Variants in ZNF287 observed in about 807,000 individuals in gnomAD.
ZNF287 encodes zinc finger protein 287, also known as zinc finger protein with KRAB and SCAN domains 13.
In ZNF287, 31 loss-of-function variants were observed where a neutral mutation model predicts 73.7. The ratio of observed to expected loss-of-function variants is 0.42; its 90% CI spans 0.32 to 0.57. The LOEUF (loss-of-function observed/expected upper bound fraction) is 0.57. Among genes scored for constraint, ZNF287 ranks in the 20% least tolerant of loss-of-function variants. The pLI, the probability that ZNF287 is intolerant of heterozygous loss-of-function variation, is 0.13. For missense variants in ZNF287, 641 were observed against 909.3 expected, an observed-to-expected ratio of 0.70 and a Z score of 3.79; for synonymous variants, 301 against 307.2, an observed-to-expected ratio of 0.98 and a Z score of 0.21.
At chr17:16,562,646 G>A (rs142124662) in intron 5 of ZNF287, among the ~76,000 whole-genome samples, 47 of 151,634 alleles carry the variant, frequency 3.1e-4, no homozygotes, top group Admixed American at 3.0e-3. Flanking sequence ...TATTTTTTTT[G>A]CTTTATATAC....
chr17:16,563,118 AG>A, intron 5 of ZNF287, 27 bp downstream of exon 5: 1 of 1,518,396 alleles, frequency 6.6e-7, no homozygotes, highest in Non-Finnish European at 9.1e-7. Flanking sequence ...TTAAATACAA[AG>A]AAGCTCATGC....
Position 16,550,958 on chromosome 17 carries a change from G to GT in ZNF287, c.*897dup, listed in dbSNP as rs1483514923. The stretch of plus-strand genomic sequence containing the variant: ...AGCTTGAGGCATTTAATTTTTGCCT[G>GT]TTTAACTAAATCTCTACACATCTAA... On this transcript the variant is annotated 3_prime_UTR_variant, in exon 6 of 6. Transcript: ENST00000395825. 1.2e-4 allele frequency among the ~76,000 whole-genome samples: 18 copies of GT among 152,232 alleles called. No individual in the cohort carries two copies. The East Asian group carries it at 1.5e-3, about 13-fold the overall frequency.
rs201011881 is a variant in ZNF287 at position 16,555,601 on chromosome 17, AACACAC to A, written c.716-2181_716-2176del. 5.8e-3 allele frequency among the ~76,000 whole-genome samples: 746 copies of A among 128,210 alleles called. 4 individuals carry two copies. Among genetic ancestry groups the A allele is most frequent in the African/African-American group, 0.017 (628 of 35,954 alleles). 84.1% of individuals were successfully genotyped at this position (128,210 alleles called of 152,430 possible). On this transcript the variant is annotated intron_variant, in intron 5 of 5. Coordinates refer to ENST00000395825, the MANE Select transcript of ZNF287 (RefSeq NM_020653.4). ...AGATGTGCATGCATACACATAACCA[AACACAC>A]ACACACACACACACACACACACACA...
rs1907360896 is a variant in ZNF287, at chr17:16,560,410, C to T, written c.715+2736G>A. Among the ~76,000 whole-genome samples, 6 of 150,048 alleles carry T rather than the reference C, an allele frequency of 4.0e-5. 1 individual carries two copies. The highest frequency in any genetic ancestry group is 1.3e-4 in the Admixed American group (2 of 15,092). On this transcript the variant is annotated intron_variant, in intron 5 of 5. Transcript: ENST00000395825. ...TGTTGCCCAGGCTGGAGTGCAGTGG[C>T]ACAATCTTGGCTCACTGCAACCCCC...
rs956789904 is a variant in ZNF287, at chr17:16,563,305, A to G, written c.629-73T>C. 2.7e-6 allele frequency: 3 copies of G among 1,107,598 alleles called. No homozygotes were observed. The African/African-American group carries it at 4.7e-5, about 17-fold the overall frequency. 68.6% of individuals were successfully genotyped at this position (1,107,598 alleles called of 1,614,324 possible). A position where few individuals can be genotyped will look rare whatever the true frequency, so the allele number is the denominator to read the frequency against. On this transcript the variant is annotated intron_variant, in intron 4 of 5. Transcript: ENST00000395825. The stretch of plus-strand genomic sequence containing the variant: ...CTCAAAGTTTTATTACCAGACTTCT[A>G]CCTATCTGGGAGAACAGACCTCTGT...
In ZNF287 at chr17:16,552,470, G is replaced by C; in HGVS notation, c.1672C>G (p.His558Asp). 2 of 1,614,130 alleles carry C rather than the reference G, an allele frequency of 1.2e-6. No homozygotes were observed. Among genetic ancestry groups the C allele is most frequent in the South Asian group, 2.2e-5 (2 of 91,070 alleles). Residue 558 changes from histidine to aspartate, a missense_variant, in exon 6 of 6, where the codon CAT becomes GAT. His to Asp is a moderately conservative substitution (Grantham distance 81, BLOSUM62 -1). Around this residue, in one of 2 missense-constraint regions of ZNF287, gnomAD observed 284 missense variants for 466.8 expected, o/e 0.61. Transcript: ENST00000395825. This position sits in a 1 kb window ranked among gnomAD's most constrained non-coding sequence, Gnocchi z 6.5. Reference protein sequence around the residue: ...STYLIRHQRIHSGEKCYKCNE... With the variant: ...STYLIRHQRIDSGEKCYKCNE... ...CATTTATAACACTTCTCTCCAGAAT[G>C]AATTCTCTGATGTCGAATAAGGTAA... is the stretch of plus-strand genomic sequence containing the variant.
chr17:16,556,767 C>T (rs1479688216), intron 5 of ZNF287, among the ~76,000 whole-genome samples: 1 of 151,940 alleles, frequency 6.6e-6, no homozygotes. Context: ...GTACATACAA[C>T]TGAAAAGTAC....
At chr17:16,567,188 C>G in intron 2 of ZNF287, 141 bp downstream of exon 2, 2 of 1,092,562 alleles carry the variant, frequency 1.8e-6, no homozygotes, top group Non-Finnish European at 2.6e-6. Flanking sequence ...CCTTTGTTCT[C>G]CCCAGTTTCT....
At chr17:16,559,700 A>G (rs1466785817) in intron 5 of ZNF287, among the ~76,000 whole-genome samples, 1 of 152,206 alleles carries the variant, frequency 6.6e-6, no homozygotes, top group Non-Finnish European at 1.5e-5. Flanking sequence ...ATTCCCTACT[A>G]AAATGAATCA....
chr17:16,568,281 A>G (rs978039260), intron 1 of ZNF287, among the ~76,000 whole-genome samples: 16 of 152,178 alleles, frequency 1.1e-4, no homozygotes, highest in African/African-American at 3.9e-4. Context: ...CGGACTCTCA[A>G]CAATAACAAA....
chr17:16,567,912 A>G lies in ZNF287; in HGVS notation c.-181T>C. The G allele has an allele frequency of 7.0e-7, 1 of 1,425,798 alleles. No individual in the cohort carries two copies. The highest frequency in any genetic ancestry group is 1.4e-5 in the African/African-American group (1 of 69,724). The allele number at this position is 1,425,798 out of a possible 1,614,324, so 88.3% of individuals were successfully genotyped here. On this transcript the variant is annotated 5_prime_UTR_variant, in exon 2 of 6. Coordinates refer to ENST00000395825, the MANE Select transcript of ZNF287 (RefSeq NM_020653.4). ...GACAAATTCTGAGCCCAGAACTTGC[A>G]GGGATGGATAAGAGACCCTGAAACA...
At chr17:16,563,952 G>A in intron 3 of ZNF287, 127 bp from the exon 4 acceptor site, 1 of 1,134,496 alleles carries the variant, frequency 8.8e-7, no homozygotes, top group Non-Finnish European at 1.2e-6. Context: ...CCTAGAAGTT[G>A]TCTAGTCAAA....
rs1907847564 is a variant in ZNF287, at chr17:16,567,835, G to A, written c.-104C>T. ...GAGTCACAAGGACACTATATCAAAG[G>A]CTGCTGCAGCCGAGGGCAGAACAGA... On this transcript the variant is annotated 5_prime_UTR_variant, in exon 2 of 6. Transcript: ENST00000395825. 1 of 1,492,948 alleles carries A rather than the reference G, an allele frequency of 6.7e-7. No homozygotes were observed. The highest frequency in any genetic ancestry group is 2.3e-5 in the East Asian group (1 of 43,874). 92.5% of individuals were successfully genotyped at this position (1,492,948 alleles called of 1,614,324 possible).
At chr17:16,559,159 T>C (rs1242234278) in intron 5 of ZNF287, 2 of 152,152 alleles carry the variant, frequency 1.3e-5, no homozygotes, top group East Asian at 3.9e-4. Context: ...TGGTTACCTA[T>C]AGGGAGTAGG....
chr17:16,553,868 C>T (rs2142463032), intron 5 of ZNF287, among the ~76,000 whole-genome samples: 1 of 152,326 alleles, frequency 6.6e-6, no homozygotes, highest in Middle Eastern at 3.4e-3. Flanking sequence ...GCTCAAATAT[C>T]TCTAGTAAAT....
chr17:16,568,023 T>G (rs1907860011), intron 1 of ZNF287, 94 bp from the exon 2 acceptor site: 1 of 1,124,034 alleles, frequency 8.9e-7, no homozygotes, highest in Admixed American at 4.3e-5. Context: ...TGTGCATAGA[T>G]GAACACACAT....
intron 5 of ZNF287, among the ~76,000 whole-genome samples, chr17:16,556,347 A>G (rs1409951962): frequency 6.6e-6 from 1 of 152,212 alleles, no homozygotes; most frequent in Non-Finnish European, 1.5e-5. Flanking sequence ...AGTAATGTTA[A>G]ATGAAAAAAG....
intron 4 of ZNF287, among the ~76,000 whole-genome samples, chr17:16,563,443 G>C (rs1004918857): frequency 2.0e-5 from 3 of 152,204 alleles, no homozygotes; most frequent in African/African-American, 7.2e-5. Flanking sequence ...TGTGAAGGAA[G>C]AAACATTCCC....
At chr17:16,568,736 C>T (rs958027331) in intron 1 of ZNF287, 1 of 152,236 alleles carries the variant, frequency 6.6e-6, no homozygotes, top group African/African-American at 2.4e-5. Flanking sequence ...CGGCCAAGTC[C>T]CTCTGCCTCT....
Sources: gnomAD v4.1 joint callset for allele counts (sites outside exome capture counted in the v4.1 genomes callset) on GRCh38, gnomAD v4.1.1 for gene constraint, gnomAD v4.1.1 regional missense constraint, Gnocchi (gnomAD v3.1) non-coding constraint, MANE v1.5 for transcripts, NCBI Gene and HGNC (gene_info 2026-07-23, HGNC 2026-07-21) for gene names.